The following PKHD1 variants were observed in gnomAD, a reference collection of about 807,000 sequenced individuals.
The protein encoded by PKHD1 is PKHD1 ciliary IPT domain containing fibrocystin/polyductin.
Under a neutral mutation model 412.0 loss-of-function variants are expected in PKHD1, and 291 were observed. The observed-to-expected ratio is 0.71, with a 90% CI of 0.64 to 0.78. The LOEUF (loss-of-function observed/expected upper bound fraction) is 0.78. PKHD1 is among the 30% of genes least tolerant of loss of function. PKHD1 has a pLI of 0.00. For synonymous variants in PKHD1, 1,777 were observed against 1,821.5 expected, an observed-to-expected ratio of 0.98 and a Z score of 0.62; for missense variants, 4,825 against 4,950.7, an observed-to-expected ratio of 0.97 and a Z score of 0.76.
At chr6:51,780,902 T>G (rs992616297) in intron 53 of PKHD1, among the ~76,000 whole-genome samples, 1 of 152,208 alleles carries the variant, frequency 6.6e-6, no homozygotes, top group Non-Finnish European at 1.5e-5. Context: ...AATTGTATTT[T>G]TATATAATTT....
At chr6:51,718,769 T>A (rs1002150407) in intron 60 of PKHD1, among the ~76,000 whole-genome samples, 1 of 152,190 alleles carries the variant, frequency 6.6e-6, no homozygotes, top group Non-Finnish European at 1.5e-5. Context: ...TAAAAAAGCA[T>A]GGAAATGACA....
intron 48 of PKHD1, among the ~76,000 whole-genome samples, chr6:51,860,858 C>T (rs1034856994): frequency 6.6e-6 from 1 of 152,052 alleles, no homozygotes; most frequent in African/African-American, 2.4e-5. Flanking sequence ...GTTGCCCAGG[C>T]TGGAGCACAG....
intron 50 of PKHD1, among the ~76,000 whole-genome samples, chr6:51,840,960 G>A (rs997622641): frequency 5.3e-5 from 8 of 152,046 alleles, no homozygotes; most frequent in African/African-American, 1.7e-4. Context: ...ATGATTTCAT[G>A]GATATTATTA....
chr6:51,650,252 G>A (rs2150371190), intron 61 of PKHD1, among the ~76,000 whole-genome samples: 1 of 152,214 alleles, frequency 6.6e-6, no homozygotes, highest in Middle Eastern at 3.4e-3. Flanking sequence ...TGATGACAGA[G>A]CCTGCTTCAT....
At chr6:51,654,042 A>G (rs929400810) in intron 61 of PKHD1, among the ~76,000 whole-genome samples, 1 of 152,154 alleles carries the variant, frequency 6.6e-6, no homozygotes, top group Admixed American at 6.6e-5. Flanking sequence ...AAGAGATTTA[A>G]TTCAAGATAT....
intron 48 of PKHD1, among the ~76,000 whole-genome samples, chr6:51,860,206 A>C (rs1773965848): frequency 6.6e-6 from 1 of 152,166 alleles, no homozygotes; most frequent in Admixed American, 6.5e-5. Flanking sequence ...AAGCATTCAG[A>C]TATGCTTTCC....
At chr6:51,797,627 CT>C (rs1562333028) in intron 52 of PKHD1, among the ~76,000 whole-genome samples, 1 of 152,080 alleles carries the variant, frequency 6.6e-6, no homozygotes, top group Non-Finnish European at 1.5e-5. Context: ...GCAACCCCTG[CT>C]TTTTTTCTGT....
At chr6:52,046,942 C>A (rs539124633) in intron 23 of PKHD1, among the ~76,000 whole-genome samples, 1 of 152,360 alleles carries the variant, frequency 6.6e-6, no homozygotes, top group African/African-American at 2.4e-5. Flanking sequence ...TTGCCTTCTA[C>A]CTACTCAAGA....
In PKHD1 at chr6:52,058,519, T is replaced by C. The variant is rs765342767; in HGVS notation, c.1316A>G (p.Gln439Arg). The change falls in exon 16 of 67, where the codon CAG becomes CGG. Residue 439 changes from glutamine (Q) to arginine (R), a missense_variant. Coordinates refer to ENST00000371117, the MANE Select transcript of PKHD1 (RefSeq NM_138694.4). Reference protein sequence around the residue: ...EQNRDEGTWQQKTPKLELLGG... With the variant: ...EQNRDEGTWQRKTPKLELLGG... ...CAACAGCTCCAACTTGGGAGTCTTC[T>C]GCTGCCAGGTCCCTTCATCCCTATT... The C allele has an allele frequency of 2.5e-6, 4 of 1,614,214 alleles. No individual in the cohort carries two copies. In the South Asian group the frequency reaches 3.3e-5, roughly 13 times the overall value.
At chr6:52,069,022 A>C (rs778731519) in intron 11 of PKHD1, among the ~76,000 whole-genome samples, 3 of 152,148 alleles carry the variant, frequency 2.0e-5, no homozygotes, top group Non-Finnish European at 4.4e-5. Context: ...TTTCACATTC[A>C]TTTTTTTAGT....
In PKHD1 at chr6:51,885,875, C is replaced by T. The variant is rs1378157664; in HGVS notation, c.7207G>A (p.Gly2403Ser). 1 of 1,604,510 alleles carries T rather than the reference C, an allele frequency of 6.2e-7. No homozygotes were observed. The highest frequency in any genetic ancestry group is 8.5e-7 in the Non-Finnish European group (1 of 1,171,918). ...ACAACAAAAAAGCTTACCTGGGCAC[C>T]ACCTGCACTTTCCCAAACTGTGAAG... ...QSFTVWESAG[G>S]AQIFRSSNLR... The change falls in exon 45 of 67, where the codon GGT (glycine) becomes AGT (serine). Residue 2403 changes from glycine to serine, a missense_variant. Transcript: ENST00000371117.
At chr6:52,045,478 T>C (rs1384038404) in intron 24 of PKHD1, among the ~76,000 whole-genome samples, 1 of 152,228 alleles carries the variant, frequency 6.6e-6, no homozygotes, top group Non-Finnish European at 1.5e-5. Flanking sequence ...CTTTCTAGAA[T>C]TTCGATTGAA....
rs764352165 is a variant in PKHD1 at position 51,619,054 on chromosome 6, C to A, written c.*27G>T. On this transcript the variant is annotated 3_prime_UTR_variant, in exon 67 of 67. Coordinates refer to ENST00000371117, the MANE Select transcript of PKHD1 (RefSeq NM_138694.4). Reference sequence around the variant, plus strand: ...GAAATACTGGGAACATTCTGCCTTTCAGGCCAAATGCCCCCAACTTCCCTG... The same window carrying A: ...GAAATACTGGGAACATTCTGCCTTTAAGGCCAAATGCCCCCAACTTCCCTG... The A allele has an allele frequency of 6.2e-7, 1 of 1,602,294 alleles. No individual in the cohort carries two copies. Among genetic ancestry groups the A allele is most frequent in the South Asian group, 1.1e-5 (1 of 90,728 alleles).
At chr6:51,628,862 T>C (rs34913068) in intron 65 of PKHD1, among the ~76,000 whole-genome samples, 3,860 of 152,168 alleles carry the variant, frequency 0.025, 177 homozygotes, top group African/African-American at 0.088. Flanking sequence ...GGCAAAATAA[T>C]AGAGACATAG....
intron 51 of PKHD1, among the ~76,000 whole-genome samples, chr6:51,834,543 C>CTCAT (rs963846528): frequency 3.3e-5 from 5 of 151,994 alleles, no homozygotes; most frequent in Admixed American, 1.3e-4. Flanking sequence ...GATGTGTTAA[C>CTCAT]TCATTCATTC....
At chr6:51,709,234 C>G (rs1198817702) in intron 60 of PKHD1, among the ~76,000 whole-genome samples, 2 of 152,148 alleles carry the variant, frequency 1.3e-5, no homozygotes, top group Non-Finnish European at 1.5e-5. Flanking sequence ...TATGTTGTAC[C>G]TGGTAGAGTC....
intron 35 of PKHD1, among the ~76,000 whole-genome samples, chr6:52,006,592 G>T (rs1445669763): frequency 6.6e-6 from 1 of 152,100 alleles, no homozygotes; most frequent in Non-Finnish European, 1.5e-5. Context: ...GGCCAGGCTT[G>T]TCTCGAACTC....
At chr6:51,712,646 C>A (rs1780794115) in intron 60 of PKHD1, among the ~76,000 whole-genome samples, 1 of 152,208 alleles carries the variant, frequency 6.6e-6, no homozygotes, top group African/African-American at 2.4e-5. Context: ...AAAGAGAAAA[C>A]AGGTGATTCT....
chr6:51,849,951 G>T (rs1215585155), intron 49 of PKHD1, among the ~76,000 whole-genome samples: 1 of 152,080 alleles, frequency 6.6e-6, no homozygotes, highest in African/African-American at 2.4e-5. Flanking sequence ...TGGCATTTTC[G>T]TCATGAAGTC....
Sources: allele counts gnomAD v4.1 joint callset (sites outside exome capture counted in the v4.1 genomes callset), GRCh38; gene constraint gnomAD v4.1.1; transcripts MANE v1.5; gene names NCBI Gene and HGNC (gene_info 2026-07-23, HGNC 2026-07-21).